Variants in DDAH1 observed in about 807,000 individuals in gnomAD.
The protein encoded by DDAH1 is dimethylarginine dimethylaminohydrolase 1.
DDAH1 carries 19 observed loss-of-function variants against 28.8 expected under a neutral mutation model. The ratio of observed to expected loss-of-function variants is 0.66; its 90% confidence interval spans 0.46 to 0.97. The LOEUF (loss-of-function observed/expected upper bound fraction) is 0.97, where lower values mean the gene tolerates loss of function less well. Among genes scored for constraint, DDAH1 ranks in the 50% least tolerant of loss-of-function variants. DDAH1 has a pLI of 0.00. For synonymous variants in DDAH1, 153 were observed against 154.4 expected, an observed-to-expected ratio of 0.99 and a Z score of 0.07; for missense variants, 326 against 375.9, an observed-to-expected ratio of 0.87 and a Z score of 1.10.
At chr1:85,574,767 C>G (rs1659550204) in intron 1 of DDAH1, among the ~76,000 whole-genome samples, 1 of 152,118 alleles carries the variant, frequency 6.6e-6, no homozygotes, top group Non-Finnish European at 1.5e-5. Context: ...GTAATTAGTC[C>G]AGGCGCTATG....
At chr1:85,546,155 A>G (rs1366407643) in intron 1 of DDAH1, among the ~76,000 whole-genome samples, 1 of 150,580 alleles carries the variant, frequency 6.6e-6, no homozygotes, top group Admixed American at 6.6e-5. Context: ...CATGCGTTGG[A>G]AACTTAATTG....
intron 1 of DDAH1, among the ~76,000 whole-genome samples, chr1:85,537,051 G>T (rs1236720563): frequency 6.7e-6 from 1 of 149,090 alleles, no homozygotes; most frequent in Non-Finnish European, 1.5e-5. Context: ...TCAGTCACAA[G>T]CAAGAATAGC....
intron 1 of DDAH1, among the ~76,000 whole-genome samples, chr1:85,416,166 G>T (rs1260873138): frequency 1.3e-5 from 2 of 152,050 alleles, no homozygotes; most frequent in African/African-American, 2.4e-5. Flanking sequence ...TAAATTTTTT[G>T]AATCTTTCAC....
intron 1 of DDAH1, among the ~76,000 whole-genome samples, chr1:85,559,307 C>T (rs1370505274): frequency 1.3e-5 from 2 of 152,098 alleles, no homozygotes; most frequent in Admixed American, 1.3e-4. Context: ...TAGACCTGCC[C>T]TAGAAATATA....
intron 1 of DDAH1, among the ~76,000 whole-genome samples, chr1:85,568,393 A>G (rs1283977399): frequency 1.3e-5 from 2 of 152,208 alleles, no homozygotes; most frequent in African/African-American, 4.8e-5. Context: ...ATCCTGGAGC[A>G]CTGTCATTTT....
intron 1 of DDAH1, among the ~76,000 whole-genome samples, chr1:85,516,521 A>G (rs2773132): frequency 9.9e-5 from 15 of 151,946 alleles, no homozygotes; most frequent in African/African-American, 3.6e-4. Flanking sequence ...CTTTCTGCCC[A>G]GGGTGGGTGG....
chr1:85,435,492 C>T (rs139092105), intron 1 of DDAH1, among the ~76,000 whole-genome samples: 274 of 152,268 alleles, frequency 1.8e-3, no homozygotes, highest in Non-Finnish European at 3.1e-3. Context: ...AATCCCCATC[C>T]TAGTGGAGCT....
intron 4 of DDAH1, among the ~76,000 whole-genome samples, chr1:85,329,760 T>A (rs1439075625): frequency 1.3e-5 from 2 of 152,190 alleles, no homozygotes; most frequent in Non-Finnish European, 2.9e-5. Flanking sequence ...TAAGACAGAT[T>A]TAAGAATATG....
rs139139578 is a variant in DDAH1 at position 85,544,048 on chromosome 1, C to A, written c.-123+33936G>T. On this transcript the variant is annotated intron_variant, in intron 1 of 6. Coordinates refer to the DDAH1 transcript ENST00000426972. Reference sequence around the variant, plus strand: ...GAACTCCATTTACAATTATTTGGTTCTTGCAGGTTTGTTCATATTTTCAAG... The same window carrying A: ...GAACTCCATTTACAATTATTTGGTTATTGCAGGTTTGTTCATATTTTCAAG... 4.4e-3 allele frequency among the ~76,000 whole-genome samples: 667 copies of A among 152,210 alleles called. 5 individuals are homozygous for A. Among genetic ancestry groups the A allele is most frequent in the Non-Finnish European group, 4.6e-3 (315 of 67,998 alleles).
intron 1 of DDAH1, among the ~76,000 whole-genome samples, chr1:85,501,439 A>G (rs1304954442): frequency 6.6e-6 from 1 of 152,180 alleles, no homozygotes; most frequent in Non-Finnish European, 1.5e-5. Context: ...GCTATTTGCC[A>G]CCAGACTTTG....
At chr1:85,347,624 G>A (rs1271731229) in intron 4 of DDAH1, among the ~76,000 whole-genome samples, 1 of 152,146 alleles carries the variant, frequency 6.6e-6, no homozygotes, top group Non-Finnish European at 1.5e-5. Context: ...CGTGGGATGG[G>A]GGAGGGTGGA....
intron 1 of DDAH1, among the ~76,000 whole-genome samples, chr1:85,526,434 A>G (rs1488976166): frequency 6.6e-6 from 1 of 152,202 alleles, no homozygotes; most frequent in Non-Finnish European, 1.5e-5. Context: ...CTCATGGATC[A>G]CTGAGAAAGA....
At chr1:85,548,662 TC>T (rs1420757608) in intron 1 of DDAH1, among the ~76,000 whole-genome samples, 1 of 152,306 alleles carries the variant, frequency 6.6e-6, no homozygotes, top group East Asian at 1.9e-4. Context: ...TAGGAATAGC[TC>T]CAAGCCAGAA....
At chr1:85,469,732 C>T (rs1304540375), upstream of DDAH1, among the ~76,000 whole-genome samples, 1 of 152,162 alleles carries the variant, frequency 6.6e-6, no homozygotes, top group Non-Finnish European at 1.5e-5. Context: ...CAAGTGTAAT[C>T]ATAGATTCAA....
intron 1 of DDAH1, among the ~76,000 whole-genome samples, chr1:85,439,241 G>T (rs561448322): frequency 6.6e-6 from 1 of 152,144 alleles, no homozygotes; most frequent in South Asian, 2.1e-4. Context: ...AAGACAATTC[G>T]CCAACTAATC....
chr1:85,350,636 G>A, intron 3 of DDAH1, 102 bp from the exon 4 acceptor site: 1 of 1,355,124 alleles, frequency 7.4e-7, no homozygotes, highest in Non-Finnish European at 1.0e-6. Flanking sequence ...AGGCTGACAG[G>A]GACCTTGAAT....
chr1:85,535,336 T>C (rs1658238755), intron 1 of DDAH1, among the ~76,000 whole-genome samples: 2 of 140,506 alleles, frequency 1.4e-5, no homozygotes, highest in African/African-American at 2.7e-5. Flanking sequence ...TAGGAAGTTG[T>C]TCCAATATTC....
At chr1:85,332,084 G>T (rs1274401309) in intron 4 of DDAH1, among the ~76,000 whole-genome samples, 1 of 152,206 alleles carries the variant, frequency 6.6e-6, no homozygotes, top group Admixed American at 6.5e-5. Flanking sequence ...CGGGGTCCGT[G>T]TGGCAGCATT....
chr1:85,541,662 T>C (rs539454653), intron 1 of DDAH1, among the ~76,000 whole-genome samples: 1 of 152,326 alleles, frequency 6.6e-6, no homozygotes, highest in South Asian at 2.1e-4. Flanking sequence ...GACTGAATAT[T>C]GTGTCCCCGT....
Sources: allele counts gnomAD v4.1 joint callset (sites outside exome capture counted in the v4.1 genomes callset), GRCh38; gene constraint gnomAD v4.1.1; transcripts MANE v1.5; gene names NCBI Gene and HGNC (gene_info 2026-07-23, HGNC 2026-07-21).